COL6A6: variants seen among roughly 807,000 people sequenced by gnomAD.
The protein encoded by COL6A6 is collagen alpha-6(VI) chain.
In COL6A6, 183 loss-of-function variants were observed where a neutral mutation model predicts 208.6. That is an observed-to-expected ratio of 0.88 (90% CI 0.78 to 0.99). COL6A6 has a LOEUF of 0.99. Among genes scored for constraint, COL6A6 ranks in the 50% least tolerant of loss-of-function variants. The pLI is 0.00. For synonymous variants in COL6A6, 973 were observed against 1,011.8 expected, an observed-to-expected ratio of 0.96 and a Z score of 0.73; for missense variants, 2,816 against 2,815.2, an observed-to-expected ratio of 1.00 and a Z score of -0.01.
rs191823709 is a variant in COL6A6, at chr3:130,577,927, T to C, written c.3547+3402T>C. 3.3e-5 allele frequency among the ~76,000 whole-genome samples: 5 copies of C among 152,330 alleles called. No individual in the cohort carries two copies. In the East Asian group the frequency reaches 9.6e-4, roughly 29 times the overall value. ...AGGAGGACAATTTACCAACAATTCC[T>C]TAGTTTAGGGACTTAAATATTTTAG... On this transcript the variant is annotated intron_variant, in intron 8 of 36. Transcript: ENST00000358511.
chr3:130,617,586 C>T (rs1259741724), intron 23 of COL6A6, among the ~76,000 whole-genome samples: 2 of 152,254 alleles, frequency 1.3e-5, no homozygotes, highest in East Asian at 1.9e-4. Context: ...TCAAGATTGA[C>T]ATCTCAGATG....
intron 36 of COL6A6, among the ~76,000 whole-genome samples, chr3:130,668,879 A>G (rs563994113): frequency 6.6e-6 from 1 of 152,340 alleles, no homozygotes; most frequent in Admixed American, 6.5e-5. Context: ...ATGTAAACAT[A>G]AGTAACAAAT....
chr3:130,656,345 C>G (rs866386425), intron 33 of COL6A6, among the ~76,000 whole-genome samples: 1 of 151,776 alleles, frequency 6.6e-6, no homozygotes, highest in Non-Finnish European at 1.5e-5. Context: ...GACAGAACAG[C>G]TCAGAGGAGA....
rs2065032569 is a variant in COL6A6 at position 130,634,215 on chromosome 3, A to AT, written c.4993-375_4993-374insT. 2.5e-5 allele frequency among the ~76,000 whole-genome samples: 3 copies of AT among 122,118 alleles called. No individual in the cohort carries two copies. The South Asian group carries it at 8.2e-4, about 33-fold the overall frequency. 80.1% of individuals were successfully genotyped at this position (122,118 alleles called of 152,430 possible). On this transcript the variant is annotated intron_variant, in intron 26 of 36. Transcript: ENST00000358511. ...GCTATAAAATGTTAAAAAAAAAAAT[A>AT]AATAAATAAATAAATAAATAAATAA... is the stretch of plus-strand genomic sequence containing the variant.
intron 1 of COL6A6, among the ~76,000 whole-genome samples, chr3:130,552,199 T>C (rs1365537937): frequency 6.6e-6 from 1 of 152,198 alleles, no homozygotes; most frequent in East Asian, 1.9e-4. Flanking sequence ...ATTTTTGTTT[T>C]CTGCTTCAAT....
At position 130,626,545 on chromosome 3, in the gene COL6A6, C is replaced by T. The variant is rs1230494547; in HGVS notation, c.4939C>T (p.Gln1647Ter). 2 of 1,610,546 alleles carry T rather than the reference C, an allele frequency of 1.2e-6. No individual in the cohort carries two copies. Among genetic ancestry groups the T allele is most frequent in the African/African-American group, 2.7e-5 (2 of 74,962 alleles). The part of the protein sequence containing the change: ...AVGFPGPRGL[Q>*]GNDGSPGYGS... Reference sequence around the variant, plus strand: ...TGGCTTTCCTGGTCCTCGTGGCTTGCAGGTTTGTATTTTGACACTAGTTTT... The same window carrying T: ...TGGCTTTCCTGGTCCTCGTGGCTTGTAGGTTTGTATTTTGACACTAGTTTT... Residue 1647 changes from glutamine (Q) to a stop codon, truncating the protein, a stop_gained and splice_region_variant, in exon 25 of 37, where the codon CAG becomes TAG. Coordinates refer to ENST00000358511, the MANE Select transcript of COL6A6 (RefSeq NM_001102608.3). LOFTEE classifies it high-confidence loss of function.
At chr3:130,530,919 T>C (rs4267621) in intron 1 of COL6A6, among the ~76,000 whole-genome samples, 130,660 of 152,012 alleles carry the variant, frequency 0.86, 56,652 homozygotes, top group African/African-American at 0.9. Flanking sequence ...TTCCAACTTG[T>C]TGGCCTACTC....
chr3:130,592,834 T>C (rs1003176085), intron 15 of COL6A6, 112 bp downstream of exon 15: 1 of 1,070,928 alleles, frequency 9.3e-7, no homozygotes, highest in South Asian at 1.5e-5. Flanking sequence ...TGACTTTCCT[T>C]TTTTATTGCC....
rs1577723583 is a variant in COL6A6, at chr3:130,567,058, G to T, written c.1639G>T (p.Gly547Cys). The T allele has an allele frequency of 1.2e-6, 2 of 1,614,010 alleles. No homozygotes were observed. The stretch of plus-strand genomic sequence containing the variant: ...ATGCCACCTTGTTGTCCTGACAAAT[G>T]GCATGTCCAAGGATAGCATCTTGGA... Reference protein sequence around the residue: ...VPCHLVVLTNGMSKDSILEPA... With the variant: ...VPCHLVVLTNCMSKDSILEPA... The change falls in exon 5 of 37, where the codon GGC becomes TGC. Residue 547 changes from glycine to cysteine, a missense_variant. By Grantham distance (159) the Gly-to-Cys change is radical (BLOSUM62 -3). Transcript: ENST00000358511.
chr3:130,569,284 G>A (rs2063104330), intron 6 of COL6A6, among the ~76,000 whole-genome samples: 1 of 152,174 alleles, frequency 6.6e-6, no homozygotes, highest in Non-Finnish European at 1.5e-5. Context: ...TATAAAGCAG[G>A]AATATAGTAA....
chr3:130,593,351 T>G, intron 17 of COL6A6, 99 bp downstream of exon 17: 1 of 931,828 alleles, frequency 1.1e-6, no homozygotes, highest in Non-Finnish European at 1.7e-6. Flanking sequence ...CAAAACTGTT[T>G]TGTGACAGTC....
At chr3:130,585,579 T>G (rs1028113111) in intron 10 of COL6A6, among the ~76,000 whole-genome samples, 2 of 152,198 alleles carry the variant, frequency 1.3e-5, no homozygotes, top group African/African-American at 4.8e-5. Context: ...CCTAGCAAAA[T>G]AAGTCATTGG....
chr3:130,649,114 TG>T lies in COL6A6; in HGVS notation c.5287del (p.Asp1763ThrfsTer14). 1 of 1,577,950 alleles carries T rather than the reference TG, an allele frequency of 6.3e-7. No homozygotes were observed. Among genetic ancestry groups the T allele is most frequent in the Non-Finnish European group, 8.6e-7 (1 of 1,161,156 alleles). On this transcript the variant is annotated frameshift_variant, in exon 33 of 37. Coordinates refer to ENST00000358511, the MANE Select transcript of COL6A6 (RefSeq NM_001102608.3). LOFTEE classifies it high-confidence loss of function. ...PVHPTELVFA[L>X]DHSRDVTEQE... ...CACCCAACCGAGTTGGTGTTTGCCC[TG>T]GACCACTCCCGGGATGTCACTGAGC... is the stretch of plus-strand genomic sequence containing the variant.
At chr3:130,628,053 C>G (rs976170813) in intron 26 of COL6A6, among the ~76,000 whole-genome samples, 6 of 152,150 alleles carry the variant, frequency 3.9e-5, no homozygotes, top group Admixed American at 3.3e-4. Context: ...AGAGGCATTC[C>G]AAGATCTTGT....
chr3:130,617,851 G>A (rs1460078723), intron 23 of COL6A6, among the ~76,000 whole-genome samples: 1 of 152,118 alleles, frequency 6.6e-6, no homozygotes, highest in Non-Finnish European at 1.5e-5. Flanking sequence ...AAGTCAAGGT[G>A]TCCTTGGCAA....
chr3:130,650,878 G>A (rs2065621871), intron 33 of COL6A6, among the ~76,000 whole-genome samples: 1 of 152,158 alleles, frequency 6.6e-6, no homozygotes, highest in South Asian at 2.1e-4. Flanking sequence ...TTATCTGCAG[G>A]TCTTTTGTAA....
intron 6 of COL6A6, among the ~76,000 whole-genome samples, chr3:130,569,771 A>C (rs2063115970): frequency 6.6e-6 from 1 of 152,220 alleles, no homozygotes; most frequent in African/African-American, 2.4e-5. Flanking sequence ...TAGTTCTTCT[A>C]CGTAAATTCC....
chr3:130,552,958 G>T (rs1262068337), intron 1 of COL6A6, among the ~76,000 whole-genome samples: 2 of 152,202 alleles, frequency 1.3e-5, no homozygotes, highest in Non-Finnish European at 2.9e-5. Flanking sequence ...TAAGAATGCT[G>T]AATAATATAG....
At chr3:130,655,284 A>G (rs1487183132) in intron 33 of COL6A6, among the ~76,000 whole-genome samples, 1 of 152,068 alleles carries the variant, frequency 6.6e-6, no homozygotes, top group East Asian at 1.9e-4. Context: ...ATTTCTCTAG[A>G]AGAGAATAGG....
Sources: allele counts gnomAD v4.1 joint callset (sites outside exome capture counted in the v4.1 genomes callset), GRCh38; gene constraint gnomAD v4.1.1; transcripts MANE v1.5; gene names NCBI Gene and HGNC (gene_info 2026-07-23, HGNC 2026-07-21).